Variants in XRN1 observed in about 807,000 individuals in gnomAD.
XRN1 encodes 5'-3' exoribonuclease 1, also known as strand-exchange protein 1 homolog.
A neutral mutation model predicts 222.3 loss-of-function variants in XRN1; 67 were observed. The ratio of observed to expected loss-of-function variants is 0.30; its 90% CI spans 0.25 to 0.37. The LOEUF (loss-of-function observed/expected upper bound fraction) is 0.37, where lower values mean the gene tolerates loss of function less well. XRN1 is among the 10% of genes least tolerant of loss of function. The pLI, the probability that XRN1 is intolerant of heterozygous loss-of-function variation, is 1.00. For synonymous variants in XRN1, 643 were observed against 652.4 expected, an observed-to-expected ratio of 0.99 and a Z score of 0.22; for missense variants, 1,707 against 2,000.2, an observed-to-expected ratio of 0.85 and a Z score of 2.80.
chr3:142,355,577 A>C (rs1410727593), intron 31 of XRN1, 81 bp from the exon 32 acceptor site: 3 of 945,262 alleles, frequency 3.2e-6, no homozygotes, highest in Non-Finnish European at 4.7e-6. Context: ...TAATTCATCT[A>C]TTAATGTTAT....
chr3:142,324,420 T>G (rs1183406890), intron 37 of XRN1, among the ~76,000 whole-genome samples: 1 of 152,074 alleles, frequency 6.6e-6, no homozygotes, highest in Admixed American at 6.6e-5. Context: ...ACAAAGGACA[T>G]GAACTCATCA....
At chr3:142,431,270 A>C (rs898163980) in intron 2 of XRN1, among the ~76,000 whole-genome samples, 1 of 152,204 alleles carries the variant, frequency 6.6e-6, no homozygotes, top group Non-Finnish European at 1.5e-5. Flanking sequence ...ACAGGGAATC[A>C]GTTTTTTTCA....
intron 20 of XRN1, among the ~76,000 whole-genome samples, chr3:142,388,787 T>A (rs1307298744): frequency 6.6e-6 from 1 of 152,258 alleles, no homozygotes. Flanking sequence ...TCTCAAAGTC[T>A]GCCACTGCTT....
At chr3:142,344,971 G>T (rs536261718) in intron 33 of XRN1, among the ~76,000 whole-genome samples, 2 of 152,182 alleles carry the variant, frequency 1.3e-5, no homozygotes, top group East Asian at 1.9e-4. Context: ...AACAAAGAGG[G>T]CTCAAACTTC....
intron 37 of XRN1, among the ~76,000 whole-genome samples, chr3:142,326,491 G>T (rs1328491268): frequency 6.6e-6 from 1 of 152,010 alleles, no homozygotes; most frequent in Non-Finnish European, 1.5e-5. Flanking sequence ...GTGACTGATT[G>T]TATGTTGATT....
intron 39 of XRN1, among the ~76,000 whole-genome samples, chr3:142,314,764 G>T (rs1461175125): frequency 6.6e-6 from 1 of 151,688 alleles, no homozygotes; most frequent in Non-Finnish European, 1.5e-5. Flanking sequence ...AATTAGCCAG[G>T]TGTGGTGGTG....
At chr3:142,340,735 G>A (rs2065970740) in intron 33 of XRN1, among the ~76,000 whole-genome samples, 3 of 152,164 alleles carry the variant, frequency 2.0e-5, no homozygotes, top group Admixed American at 2.0e-4. Context: ...AGACTTTTCA[G>A]TGGAAATCTT....
Position 142,318,662 on chromosome 3 carries a change from T to C in XRN1, c.4551A>G (p.Ser1517=), listed in dbSNP as rs1444516250. Residue 1517 remains serine, a synonymous_variant, in exon 39 of 41, where the codon TCA becomes TCG. Coordinates refer to ENST00000392981, the MANE Select transcript of XRN1 (RefSeq NM_001282857.2). ...CTGAAGGATAATTTGCAAATACTTG[T>C]GAAGGCAAAGGGAAATTCATGCCTA... ...GSLGMNFPLP[S]QVFANYPSAV... 1 of 1,609,690 alleles carries C rather than the reference T, an allele frequency of 6.2e-7. No individual in the cohort carries two copies. Among genetic ancestry groups the C allele is most frequent in the South Asian group, 1.1e-5 (1 of 89,874 alleles).
intron 1 of XRN1, chr3:142,435,277 A>G (rs1031106301): frequency 6.6e-6 from 1 of 152,198 alleles, no homozygotes; most frequent in Non-Finnish European, 1.5e-5. Context: ...AGGTGCCTAT[A>G]GTCTCAGCTA....
chr3:142,395,527 TAA>T (rs2107996638), intron 20 of XRN1, among the ~76,000 whole-genome samples: 1 of 152,314 alleles, frequency 6.6e-6, no homozygotes, highest in East Asian at 1.9e-4. Flanking sequence ...GAACAACAGA[TAA>T]GAGGTCAAGA....
intron 2 of XRN1, among the ~76,000 whole-genome samples, chr3:142,430,970 A>G (rs1334478097): frequency 1.3e-5 from 2 of 152,096 alleles, no homozygotes; most frequent in African/African-American, 4.8e-5. Context: ...CTCACTTCTC[A>G]CAGTCCATCA....
chr3:142,364,945 G>A, intron 29 of XRN1, 102 bp downstream of exon 29: 1 of 1,253,364 alleles, frequency 8.0e-7, no homozygotes, highest in Non-Finnish European at 1.1e-6. Flanking sequence ...GTTTGTTCCT[G>A]ATTTATAGTC....
At chr3:142,323,959 T>G (rs1303406246) in intron 37 of XRN1, among the ~76,000 whole-genome samples, 1 of 152,134 alleles carries the variant, frequency 6.6e-6, no homozygotes, top group East Asian at 1.9e-4. Context: ...ATACAATGTA[T>G]AATGATCAAA....
At chr3:142,369,517 A>AG (rs2107881553) in intron 27 of XRN1, among the ~76,000 whole-genome samples, 1 of 151,846 alleles carries the variant, frequency 6.6e-6, no homozygotes, top group South Asian at 2.1e-4. Context: ...GCGAGGTGGC[A>AG]GGTACCTGTA....
At chr3:142,427,441 T>C (rs927672792) in intron 2 of XRN1, among the ~76,000 whole-genome samples, 6 of 152,176 alleles carry the variant, frequency 3.9e-5, no homozygotes, top group African/African-American at 1.4e-4. Flanking sequence ...ATATGGCAAA[T>C]TCATTCTAAA....
At chr3:142,394,946 T>C (rs991339573) in intron 20 of XRN1, among the ~76,000 whole-genome samples, 1 of 152,228 alleles carries the variant, frequency 6.6e-6, no homozygotes, top group Non-Finnish European at 1.5e-5. Context: ...TTCATGTATA[T>C]GTTTATAGGA....
chr3:142,391,750 ATAT>A (rs1455630207), intron 20 of XRN1, among the ~76,000 whole-genome samples: 505 of 64,090 alleles, frequency 7.9e-3, no homozygotes, highest in South Asian at 0.052. Flanking sequence ...AAAAAAAAAA[ATAT>A]ATATATATAT....
At chr3:142,411,103 T>C (rs2068559323) in intron 15 of XRN1, among the ~76,000 whole-genome samples, 1 of 152,186 alleles carries the variant, frequency 6.6e-6, no homozygotes, top group Admixed American at 6.5e-5. Context: ...TTCATCTAGG[T>C]TGTTGAATTT....
Position 142,310,936 on chromosome 3 carries a change from T to A in XRN1, c.*575A>T, listed in dbSNP as rs2065061101. The A allele has an allele frequency of 6.6e-6, 1 of 152,572 alleles. No homozygotes were observed. Among genetic ancestry groups the A allele is most frequent in the Admixed American group, 6.6e-5 (1 of 15,266 alleles). 9.5% of individuals were successfully genotyped at this position (152,572 alleles called of 1,614,324 possible). On this transcript the variant is annotated 3_prime_UTR_variant, in exon 41 of 41. Transcript: ENST00000392981. Reference sequence around the variant, plus strand: ...GCAAAACTGGCAGCACCACAACAAATGTGATCCTTTCACAGCAGGTCTAAA... The same window carrying A: ...GCAAAACTGGCAGCACCACAACAAAAGTGATCCTTTCACAGCAGGTCTAAA...
Sources: gnomAD v4.1 joint callset for allele counts (sites outside exome capture counted in the v4.1 genomes callset) on GRCh38, gnomAD v4.1.1 for gene constraint, MANE v1.5 for transcripts, NCBI Gene and HGNC (gene_info 2026-07-23, HGNC 2026-07-21) for gene names.